The following RBMS3 variants were observed in gnomAD, a reference collection of about 807,000 sequenced individuals.
The protein encoded by RBMS3 is RNA-binding motif, single-stranded-interacting protein 3.
A neutral mutation model predicts 66.8 loss-of-function variants in RBMS3; 27 were observed. The ratio of observed to expected loss-of-function variants is 0.40; its 90% confidence interval spans 0.30 to 0.56. The LOEUF (loss-of-function observed/expected upper bound fraction) is 0.56. RBMS3 is among the 20% of genes least tolerant of loss of function. The probability of loss-of-function intolerance (pLI) is 0.40; values close to 1 mark genes in which losing one functional copy is unlikely to be tolerated. For synonymous variants in RBMS3, 188 were observed against 183.0 expected (o/e 1.03, Z -0.22); for missense variants, 513 against 549.5 (o/e 0.93, Z 0.66).
chr3:29,460,771 T>C (rs1463770972), intron 2 of RBMS3, among the ~76,000 whole-genome samples: 2 of 152,132 alleles, frequency 1.3e-5, no homozygotes, highest in African/African-American at 2.4e-5. Flanking sequence ...TTGGAGACAA[T>C]GGAGATGTGG....
chr3:29,872,739 G>C (rs112935987), intron 7 of RBMS3, among the ~76,000 whole-genome samples: 1 of 152,156 alleles, frequency 6.6e-6, no homozygotes, highest in African/African-American at 2.4e-5. Flanking sequence ...CAGCAAGAAT[G>C]GGGTACTGGC....
intron 6 of RBMS3, chr3:29,766,796 C>T (rs562382296): frequency 6.6e-6 from 1 of 151,954 alleles, no homozygotes; most frequent in Admixed American, 6.6e-5. Flanking sequence ...TAACAAAGAT[C>T]AGTCACATGT....
chr3:29,604,534 C>A (rs2048257604), intron 4 of RBMS3, among the ~76,000 whole-genome samples: 1 of 151,904 alleles, frequency 6.6e-6, no homozygotes, highest in South Asian at 2.1e-4. Context: ...TATTGAATGT[C>A]TCAAAGCAAG....
chr3:29,997,478 G>C lies in RBMS3; in HGVS notation c.1307+6269G>C, dbSNP rs138409334. On this transcript the variant is annotated intron_variant, in intron 14 of 14. Coordinates refer to ENST00000383767, the MANE Select transcript of RBMS3 (RefSeq NM_001003793.3). ...GAGACACAACAAAAAAAGAGAATTTGAGACCGATATCCTTGATGAACATTG... is the reference window on the plus strand; with the variant it reads ...GAGACACAACAAAAAAAGAGAATTTCAGACCGATATCCTTGATGAACATTG... Among the ~76,000 whole-genome samples, 159 of 142,232 alleles carry C rather than the reference G, an allele frequency of 1.1e-3. 3 individuals are homozygous for C. The highest frequency in any genetic ancestry group is 4.2e-3 in the African/African-American group (150 of 35,888). 93.3% of individuals were successfully genotyped at this position (142,232 alleles called of 152,430 possible).
At chr3:29,820,710 A>G (rs142720058) in intron 6 of RBMS3, among the ~76,000 whole-genome samples, 1 of 152,318 alleles carries the variant, frequency 6.6e-6, no homozygotes, top group East Asian at 1.9e-4. Flanking sequence ...TAGACAGTTC[A>G]AAGTGTTACT....
chr3:29,999,238 G>GCAAT (rs1391237237), intron 14 of RBMS3, among the ~76,000 whole-genome samples: 7 of 152,266 alleles, frequency 4.6e-5, no homozygotes, highest in African/African-American at 1.2e-4. Flanking sequence ...AGTTAGAATG[G>GCAAT]CAATCATTAA....
chr3:29,761,709 T>C (rs1463140036), intron 5 of RBMS3, among the ~76,000 whole-genome samples: 1 of 152,186 alleles, frequency 6.6e-6, no homozygotes, highest in African/African-American at 2.4e-5. Flanking sequence ...CCATGTAATA[T>C]GGTCCTGAAA....
chr3:29,396,011 G>C (rs966255599), intron 1 of RBMS3, among the ~76,000 whole-genome samples: 2 of 152,102 alleles, frequency 1.3e-5, no homozygotes, highest in Non-Finnish European at 2.9e-5. Flanking sequence ...TTGCTTTTTA[G>C]TTGCAAGCTG....
At chr3:29,575,572 C>T (rs1204046601) in intron 3 of RBMS3, among the ~76,000 whole-genome samples, 2 of 152,036 alleles carry the variant, frequency 1.3e-5, no homozygotes, top group African/African-American at 4.8e-5. Flanking sequence ...CTGATATTGT[C>T]CCTTTGCATA....
chr3:29,962,061 ATATAT>A (rs1335210057), intron 12 of RBMS3, among the ~76,000 whole-genome samples: 14 of 145,028 alleles, frequency 9.7e-5, no homozygotes, highest in African/African-American at 2.8e-4. Flanking sequence ...TGTATATATA[ATATAT>A]TATTATATAT....
At chr3:29,698,271 T>C in intron 4 of RBMS3, 5 of 985,398 alleles carry the variant, frequency 5.1e-6, no homozygotes, top group Non-Finnish European at 4.8e-6. Flanking sequence ...AATGCAGCCA[T>C]GGCAAAATGT....
chr3:29,472,144 C>A (rs1280085665), intron 2 of RBMS3, among the ~76,000 whole-genome samples: 1 of 151,532 alleles, frequency 6.6e-6, no homozygotes, highest in Admixed American at 6.6e-5. Context: ...CCAGCCAAAT[C>A]ATGAAACAGA....
At chr3:29,419,766 A>C (rs1441276504) in intron 1 of RBMS3, among the ~76,000 whole-genome samples, 2 of 152,208 alleles carry the variant, frequency 1.3e-5, no homozygotes, top group East Asian at 1.9e-4. Flanking sequence ...AGAGCGATGC[A>C]TATGTAAGTT....
chr3:29,483,309 C>CAAAAAA (rs72225547), intron 2 of RBMS3, among the ~76,000 whole-genome samples: 20 of 75,584 alleles, frequency 2.6e-4, no homozygotes, highest in Non-Finnish European at 2.9e-4. Flanking sequence ...TTCGTCTTAA[C>CAAAAAA]AAAAAAAAAA....
intron 1 of RBMS3, among the ~76,000 whole-genome samples, chr3:29,335,061 T>A (rs1050104175): frequency 6.6e-6 from 1 of 152,124 alleles, no homozygotes; most frequent in Non-Finnish European, 1.5e-5. Flanking sequence ...TAGGTCTGCC[T>A]TTTTTGCTGT....
intron 1 of RBMS3, among the ~76,000 whole-genome samples, chr3:29,360,862 A>G (rs1370975617): frequency 6.6e-6 from 1 of 151,894 alleles, no homozygotes; most frequent in Non-Finnish European, 1.5e-5. Context: ...AGAGACTAGG[A>G]TTGCAACCCC....
At chr3:29,518,958 A>G (rs1371948024) in intron 3 of RBMS3, among the ~76,000 whole-genome samples, 1 of 152,188 alleles carries the variant, frequency 6.6e-6, no homozygotes, top group African/African-American at 2.4e-5. Flanking sequence ...GACATTTTAT[A>G]TTAGTAAGAT....
intron 6 of RBMS3, among the ~76,000 whole-genome samples, chr3:29,814,198 T>C (rs1391299671): frequency 6.6e-6 from 1 of 152,010 alleles, no homozygotes; most frequent in Non-Finnish European, 1.5e-5. Flanking sequence ...GAAGGGCTGT[T>C]GAATTTTGTC....
chr3:29,810,114 T>C (rs1006203419), intron 6 of RBMS3, among the ~76,000 whole-genome samples: 3 of 152,072 alleles, frequency 2.0e-5, no homozygotes, highest in African/African-American at 2.4e-5. Flanking sequence ...ATACGCTTTG[T>C]TAATAGAAGT....
Sources: gnomAD v4.1 joint callset for allele counts (sites outside exome capture counted in the v4.1 genomes callset) on GRCh38, gnomAD v4.1.1 for gene constraint, MANE v1.5 for transcripts, NCBI Gene and HGNC (gene_info 2026-07-23, HGNC 2026-07-21) for gene names.